The following ARL11 variants were observed in gnomAD, a reference collection of about 807,000 sequenced individuals.
The protein encoded by ARL11 is ARF like GTPase 11, also known as ADP-ribosylation factor-like protein 11.
For missense variants in ARL11, 239 were observed against 250.6 expected, an observed-to-expected ratio of 0.95 and a Z score of 0.31; for synonymous variants, 91 against 111.2, an observed-to-expected ratio of 0.82 and a Z score of 1.15.
rs1964893586 is a variant in ARL11 at position 49,632,043 on chromosome 13, G to A, written c.*1005G>A. 6.0e-6 allele frequency: 1 copy of A among 167,012 alleles called. No individual in the cohort carries two copies. The highest frequency in any genetic ancestry group is 1.5e-5 in the Non-Finnish European group (1 of 68,122). The allele number at this position is 167,012 out of a possible 1,614,324, so 10.3% of individuals were successfully genotyped here. A position where few individuals can be genotyped will look rare whatever the true frequency, so the allele number is the denominator to read the frequency against. ...ACGCTCACCCCTGGGCAAGAGGCTG[G>A]AAGTTCACACCATCCAAAATTTATC... On this transcript the variant is annotated 3_prime_UTR_variant, in exon 2 of 2. Transcript: ENST00000282026.
rs1964877158 is a variant in ARL11 at position 49,630,824 on chromosome 13, C to T, written c.377C>T (p.Ala126Val). 2 of 1,607,060 alleles carry T rather than the reference C, an allele frequency of 1.2e-6. No individual in the cohort carries two copies. Among genetic ancestry groups the T allele is most frequent in the African/African-American group, 2.7e-5 (2 of 74,746 alleles). ...TTGGTGCTGGCCAACAAGCAGGAGG[C>T]ACCTGATGCACTTCCGCTGCTTAAG... ...PFLVLANKQE[A>V]PDALPLLKIR... Residue 126 changes from alanine to valine, a missense_variant, in exon 2 of 2, where the codon GCA becomes GTA. Coordinates refer to ENST00000282026, the MANE Select transcript of ARL11 (RefSeq NM_138450.6).
In ARL11 at chr13:49,633,790, G is replaced by C. The variant is rs539623388; in HGVS notation, c.*2752G>C. ...GGTTCAGCTTTTGCAGGGTGGGTAC[G>C]TGTTTGGTTATAGCTGCTTTCAGAT... On this transcript the variant is annotated 3_prime_UTR_variant, in exon 2 of 2. Transcript: ENST00000282026. 1 of 167,076 alleles carries C rather than the reference G, an allele frequency of 6.0e-6. No individual in the cohort carries two copies. The highest frequency in any genetic ancestry group is 1.9e-4 in the East Asian group (1 of 5,194). 10.3% of individuals were successfully genotyped at this position (167,076 alleles called of 1,614,324 possible).
At position 49,631,578 on chromosome 13, in the gene ARL11, T is replaced by A. The variant is rs930353320; in HGVS notation, c.*540T>A. ...AGGGAAAGAGGTTTTAAAATCAAAT[T>A]TGAGGCCAGGTGCAGTGGCTCATGG... is the stretch of plus-strand genomic sequence containing the variant. On this transcript the variant is annotated 3_prime_UTR_variant, in exon 2 of 2. Transcript: ENST00000282026. The A allele has an allele frequency of 1.8e-5, 3 of 166,514 alleles. No individual in the cohort carries two copies. Among genetic ancestry groups the A allele is most frequent in the Non-Finnish European group, 4.4e-5 (3 of 68,006 alleles). 10.3% of individuals were successfully genotyped at this position (166,514 alleles called of 1,614,324 possible).
At chr13:49,629,295 C>A (rs1964856499) in intron 1 of ARL11, among the ~76,000 whole-genome samples, 1 of 151,960 alleles carries the variant, frequency 6.6e-6, no homozygotes, top group Non-Finnish European at 1.5e-5. Flanking sequence ...AACAAAAAAA[C>A]CCAAAAACAA....
chr13:49,630,636 C>G lies in ARL11; in HGVS notation c.189C>G (p.Asp63Glu). Reference protein sequence around the residue: ...APGHVSLTLWDVGGQAPLRAS... With the variant: ...APGHVSLTLWEVGGQAPLRAS... ...GGCACGTGTCACTGACTCTCTGGGA[C>G]GTTGGGGGGCAGGCCCCGCTCAGAG... The change falls in exon 2 of 2, where the codon GAC becomes GAG. Residue 63 changes from aspartate to glutamate, a missense_variant. Physicochemically the swap from Asp to Glu is conservative, Grantham distance 45. Coordinates refer to ENST00000282026, the MANE Select transcript of ARL11 (RefSeq NM_138450.6). The G allele has an allele frequency of 6.2e-7, 1 of 1,614,114 alleles. No homozygotes were observed. The highest frequency in any genetic ancestry group is 8.5e-7 in the Non-Finnish European group (1 of 1,180,026).
chr13:49,630,573 C>T lies in ARL11; in HGVS notation c.126C>T (p.Pro42=), dbSNP rs764419423. The change falls in exon 2 of 2, where the codon CCC becomes CCT. Residue 42 remains proline (P), a synonymous_variant. Coordinates refer to ENST00000282026, the MANE Select transcript of ARL11 (RefSeq NM_138450.6). ...LKGHQLVETL[P]TVGFNVEPLK... is the part of the protein sequence containing the mutation. ...GCCACCAGCTGGTGGAGACCCTGCCCACTGTTGGTTTCAACGTGGAGCCTC... is the reference window on the plus strand; with the variant it reads ...GCCACCAGCTGGTGGAGACCCTGCCTACTGTTGGTTTCAACGTGGAGCCTC... 1.1e-5 allele frequency: 18 copies of T among 1,614,084 alleles called. No homozygotes were observed. Among genetic ancestry groups the T allele is most frequent in the South Asian group, 7.7e-5 (7 of 91,080 alleles).
chr13:49,629,106 A>G (rs974249639), intron 1 of ARL11, among the ~76,000 whole-genome samples: 6 of 152,144 alleles, frequency 3.9e-5, no homozygotes, highest in Non-Finnish European at 7.3e-5. Context: ...CCCTGTCTCA[A>G]AACAACAACA....
rs192161655 is a variant in ARL11, at chr13:49,632,988, G to A, written c.*1950G>A. ...TATTCTGTTTATTGAGCACTTACTT[G>A]GACCAAGCACTGTGGTCTTGGTGTT... On this transcript the variant is annotated 3_prime_UTR_variant, in exon 2 of 2. Transcript: ENST00000282026. The A allele has an allele frequency of 4.8e-5, 8 of 166,986 alleles. No homozygotes were observed. Among genetic ancestry groups the A allele is most frequent in the African/African-American group, 1.9e-4 (8 of 41,552 alleles). The allele number at this position is 166,986 out of a possible 1,614,324, so 10.3% of individuals were successfully genotyped here.
At position 49,630,494 on chromosome 13, in the gene ARL11, T is replaced by C. The variant is rs370668058; in HGVS notation, c.47T>C (p.Val16Ala). The C allele has an allele frequency of 1.8e-5, 29 of 1,613,694 alleles. No homozygotes were observed. Among genetic ancestry groups the C allele is most frequent in the East Asian group, 1.8e-4 (8 of 44,862 alleles). Residue 16 changes from valine (V) to alanine (A), a missense_variant, in exon 2 of 2, where the codon GTG (valine) becomes GCG (alanine). Physicochemically the swap from Val to Ala is moderately conservative, Grantham distance 64. Transcript: ENST00000282026. ...GGTCACAAGGCGGAAGCCCAGGTGG[T>C]GATGATGGGCCTGGACTCGGCGGGC... ...SRGHKAEAQV[V>A]MMGLDSAGKT...
At position 49,632,800 on chromosome 13, in the gene ARL11, G is replaced by C. The variant is rs1398877102; in HGVS notation, c.*1762G>C. On this transcript the variant is annotated 3_prime_UTR_variant, in exon 2 of 2. Coordinates refer to ENST00000282026, the MANE Select transcript of ARL11 (RefSeq NM_138450.6). The stretch of plus-strand genomic sequence containing the variant: ...TTCTAACACCAGGTTAGGCATGCTT[G>C]GTTATTTCCAGTACTTGTCAGTCAA... 2.4e-5 allele frequency: 4 copies of C among 167,060 alleles called. No individual in the cohort carries two copies. The highest frequency in any genetic ancestry group is 2.1e-4 in the South Asian group (1 of 4,828). 10.3% of individuals were successfully genotyped at this position (167,060 alleles called of 1,614,324 possible).
At position 49,633,603 on chromosome 13, in the gene ARL11, G is replaced by C. The variant is rs1019980105; in HGVS notation, c.*2565G>C. Reference sequence around the variant, plus strand: ...ACACAGCAAAGGAGGGAGTGGAAGAGAGATGAGAAAATTGAGAGCTATTAT... The same window carrying C: ...ACACAGCAAAGGAGGGAGTGGAAGACAGATGAGAAAATTGAGAGCTATTAT... On this transcript the variant is annotated 3_prime_UTR_variant, in exon 2 of 2. Coordinates refer to ENST00000282026, the MANE Select transcript of ARL11 (RefSeq NM_138450.6). 2 of 167,078 alleles carry C rather than the reference G, an allele frequency of 1.2e-5. No individual in the cohort carries two copies. The highest frequency in any genetic ancestry group is 4.8e-5 in the African/African-American group (2 of 41,432). 10.3% of individuals were successfully genotyped at this position (167,078 alleles called of 1,614,324 possible). A position where few individuals can be genotyped will look rare whatever the true frequency, so the allele number is the denominator to read the frequency against.
At chr13:49,629,783 C>A (rs1396871179) in intron 1 of ARL11, among the ~76,000 whole-genome samples, 1 of 152,154 alleles carries the variant, frequency 6.6e-6, no homozygotes, top group African/African-American at 2.4e-5. Flanking sequence ...TTAAGTGACA[C>A]CTCACTGTGT....
At position 49,630,684 on chromosome 13, in the gene ARL11, A is replaced by G; in HGVS notation, c.237A>G (p.Glu79=). The G allele has an allele frequency of 6.2e-7, 1 of 1,614,158 alleles. No individual in the cohort carries two copies. The highest frequency in any genetic ancestry group is 1.3e-5 in the African/African-American group (1 of 75,054). Residue 79 remains glutamate (E), a synonymous_variant, in exon 2 of 2, where the codon GAA becomes GAG. Transcript: ENST00000282026. ...GAGCCAGCTGGAAGGACTATCTGGA[A>G]GGCACAGATATCCTCGTGTACGTGC... is the stretch of plus-strand genomic sequence containing the variant. ...PLRASWKDYL[E]GTDILVYVLD... is the part of the protein sequence containing the mutation.
At chr13:49,628,865 T>C (rs552733858) in intron 1 of ARL11, among the ~76,000 whole-genome samples, 3 of 152,160 alleles carry the variant, frequency 2.0e-5, no homozygotes, top group African/African-American at 7.2e-5. Flanking sequence ...GCCGGGCAGG[T>C]GGATAATTTG....
rs763888661 is a variant in ARL11 at position 49,630,952 on chromosome 13, C to T, written c.505C>T (p.Leu169=). The T allele has an allele frequency of 6.2e-7, 1 of 1,610,686 alleles. No homozygotes were observed. The highest frequency in any genetic ancestry group is 1.7e-5 in the Admixed American group (1 of 59,770). ...GGGGCTGCCCGAGGCCCTGCAGAGC[C>T]TGTGGAGCCTCCTGAAATCTCGCAG... ...GEGLPEALQS[L]WSLLKSRSCM... The change falls in exon 2 of 2, where the codon CTG becomes TTG. Residue 169 remains leucine (L), a synonymous_variant. Transcript: ENST00000282026.
At position 49,632,332 on chromosome 13, in the gene ARL11, A is replaced by C. The variant is rs542807491; in HGVS notation, c.*1294A>C. On this transcript the variant is annotated 3_prime_UTR_variant, in exon 2 of 2. Transcript: ENST00000282026. ...TGGGAATTGTGAATTCTGAAGATAC[A>C]GATGACAGTGACGAATGCCTTCTGT... The C allele has an allele frequency of 6.0e-6, 1 of 167,250 alleles. No individual in the cohort carries two copies. Among genetic ancestry groups the C allele is most frequent in the East Asian group, 1.9e-4 (1 of 5,196 alleles). The allele number at this position is 167,250 out of a possible 1,614,324, so 10.4% of individuals were successfully genotyped here.
chr13:49,630,709 C>G lies in ARL11; in HGVS notation c.262C>G (p.Leu88Val). The change falls in exon 2 of 2, where the codon CTG (leucine) becomes GTG (valine). Residue 88 changes from leucine (L) to valine (V), a missense_variant. By Grantham distance (32) the Leu-to-Val change is conservative (BLOSUM62 1). Coordinates refer to ENST00000282026, the MANE Select transcript of ARL11 (RefSeq NM_138450.6). ...LEGTDILVYV[L>V]DSTDEARLPE... ...AGGCACAGATATCCTCGTGTACGTGCTGGACAGCACAGATGAAGCCCGCTT... is the reference window on the plus strand; with the variant it reads ...AGGCACAGATATCCTCGTGTACGTGGTGGACAGCACAGATGAAGCCCGCTT... The G allele has an allele frequency of 6.2e-7, 1 of 1,614,180 alleles. No homozygotes were observed. Among genetic ancestry groups the G allele is most frequent in the East Asian group, 2.2e-5 (1 of 44,886 alleles).
rs756928549 is a variant in ARL11, at chr13:49,630,589, G to A, written c.142G>A (p.Val48Met). The change falls in exon 2 of 2, where the codon GTG becomes ATG. Residue 48 changes from valine (V) to methionine (M), a missense_variant. Physicochemically the swap from Val to Met is conservative, Grantham distance 21. Transcript: ENST00000282026. ...GACCCTGCCCACTGTTGGTTTCAAC[G>A]TGGAGCCTCTGAAAGCTCCTGGGCA... ...VETLPTVGFN[V>M]EPLKAPGHVS... 8.1e-6 allele frequency: 13 copies of A among 1,613,982 alleles called. No individual in the cohort carries two copies. The East Asian group carries it at 8.9e-5, about 11-fold the overall frequency.
Position 49,631,156 on chromosome 13 carries a change from G to A in ARL11, c.*118G>A, listed in dbSNP as rs989401956. 3.0e-6 allele frequency: 3 copies of A among 1,012,056 alleles called. No homozygotes were observed. The highest frequency in any genetic ancestry group is 5.4e-5 in the East Asian group (2 of 37,290). The allele number at this position is 1,012,056 out of a possible 1,614,324, so 62.7% of individuals were successfully genotyped here. A position where few individuals can be genotyped will look rare whatever the true frequency, so the allele number is the denominator to read the frequency against. On this transcript the variant is annotated 3_prime_UTR_variant, in exon 2 of 2. Coordinates refer to ENST00000282026, the MANE Select transcript of ARL11 (RefSeq NM_138450.6). ...TGGCTTGGCCCGGTGGCTCATGCCTGTAATCCCAGCACTGTGGGAGACCAC... is the reference window on the plus strand; with the variant it reads ...TGGCTTGGCCCGGTGGCTCATGCCTATAATCCCAGCACTGTGGGAGACCAC...
Sources: allele counts gnomAD v4.1 joint callset (sites outside exome capture counted in the v4.1 genomes callset), GRCh38; gene constraint gnomAD v4.1.1; transcripts MANE v1.5; gene names NCBI Gene and HGNC (gene_info 2026-07-23, HGNC 2026-07-21).